The following CACNA2D3 variants were observed in gnomAD, a reference collection of about 807,000 sequenced individuals.
The protein encoded by CACNA2D3 is voltage-dependent calcium channel subunit alpha-2/delta-3.
A neutral mutation model predicts 160.6 loss-of-function variants in CACNA2D3; 60 were observed. That is an observed-to-expected ratio of 0.37 (90% CI 0.30 to 0.46). The LOEUF is 0.46. CACNA2D3 is among the 20% of genes least tolerant of loss of function. CACNA2D3 has a pLI of 1.00. For synonymous variants in CACNA2D3, 558 were observed against 492.9 expected, an observed-to-expected ratio of 1.13 and a Z score of -1.75; for missense variants, 1,205 against 1,365.0, an observed-to-expected ratio of 0.88 and a Z score of 1.85.
intron 5 of CACNA2D3, among the ~76,000 whole-genome samples, chr3:54,506,108 G>A (rs536723985): frequency 2.6e-5 from 4 of 152,288 alleles, no homozygotes; most frequent in African/African-American, 9.6e-5. Context: ...GCAGAGGAGA[G>A]GCAGGGACTT....
rs561506859 is a variant in CACNA2D3 at position 54,808,890 on chromosome 3, C to T, written c.1381-7963C>T. ...TTGGTGATTACTGTAACCTCTCATA[C>T]GCTATCGGATTGGAGCCAGCCCTAA... On this transcript the variant is annotated intron_variant, in intron 13 of 37. Transcript: ENST00000474759. Among the ~76,000 whole-genome samples, 15 of 152,192 alleles carry T rather than the reference C, an allele frequency of 9.9e-5. No homozygotes were observed. In the South Asian group the frequency reaches 1.2e-3, roughly 13 times the overall value.
intron 5 of CACNA2D3, among the ~76,000 whole-genome samples, chr3:54,526,925 A>T (rs577017697): frequency 6.6e-6 from 1 of 152,208 alleles, no homozygotes; most frequent in Non-Finnish European, 1.5e-5. Flanking sequence ...TGCTGATCTC[A>T]GGTGATCTGC....
At chr3:54,738,272 G>C (rs1467072935) in intron 11 of CACNA2D3, among the ~76,000 whole-genome samples, 2 of 152,190 alleles carry the variant, frequency 1.3e-5, no homozygotes, top group Non-Finnish European at 2.9e-5. Flanking sequence ...TCTCTCTTCA[G>C]TGTAATAGGG....
chr3:54,583,943 C>T (rs1702719020), intron 9 of CACNA2D3, among the ~76,000 whole-genome samples: 1 of 151,716 alleles, frequency 6.6e-6, no homozygotes, highest in Non-Finnish European at 1.5e-5. Context: ...CTTGTTCCTT[C>T]TAGCCAAAGG....
intron 4 of CACNA2D3, among the ~76,000 whole-genome samples, chr3:54,487,071 A>T (rs1057254809): frequency 6.6e-6 from 1 of 152,150 alleles, no homozygotes; most frequent in Admixed American, 6.5e-5. Context: ...GGATGAACTT[A>T]TTATTCACAT....
intron 9 of CACNA2D3, among the ~76,000 whole-genome samples, chr3:54,607,313 GT>G (rs1314028164): frequency 6.6e-6 from 1 of 151,958 alleles, no homozygotes. Context: ...CATGCAGCTG[GT>G]TTTTTTGTTT....
intron 2 of CACNA2D3, among the ~76,000 whole-genome samples, chr3:54,152,760 A>G (rs1280037355): frequency 6.6e-6 from 1 of 152,238 alleles, no homozygotes; most frequent in Non-Finnish European, 1.5e-5. Context: ...ATAACTTATG[A>G]TTGATCTTTT....
chr3:54,723,314 C>G (rs1390941243), intron 11 of CACNA2D3, among the ~76,000 whole-genome samples: 3 of 33,624 alleles, frequency 8.9e-5, no homozygotes, highest in Non-Finnish European at 2.0e-4. Context: ...GCCAGTGGAT[C>G]TTAGTTTGTT....
intron 27 of CACNA2D3, among the ~76,000 whole-genome samples, chr3:54,951,782 G>A (rs549869850): frequency 5.3e-5 from 8 of 152,200 alleles, no homozygotes; most frequent in African/African-American, 7.2e-5. Context: ...AACACAGGGT[G>A]GGTTCCTGGC....
At chr3:54,875,579 T>C (rs1699640114) in intron 18 of CACNA2D3, 1 of 152,262 alleles carries the variant, frequency 6.6e-6, no homozygotes, top group South Asian at 2.1e-4. Flanking sequence ...GAAAGCTTCC[T>C]TAATGAACTG....
At chr3:54,462,243 T>A (rs1013383875) in intron 4 of CACNA2D3, among the ~76,000 whole-genome samples, 1 of 152,156 alleles carries the variant, frequency 6.6e-6, no homozygotes, top group Non-Finnish European at 1.5e-5. Flanking sequence ...CTGAAAAAAA[T>A]GTATATTCTG....
intron 14 of CACNA2D3, among the ~76,000 whole-genome samples, chr3:54,830,828 C>G (rs1342086184): frequency 6.6e-6 from 1 of 151,962 alleles, no homozygotes; most frequent in Non-Finnish European, 1.5e-5. Context: ...GGCTTTTTGT[C>G]GTCCAGGACC....
chr3:54,634,802 G>C (rs1699328182), intron 10 of CACNA2D3, among the ~76,000 whole-genome samples: 1 of 152,128 alleles, frequency 6.6e-6, no homozygotes, highest in African/African-American at 2.4e-5. Context: ...TTTTGTGGTG[G>C]AATGTCATCA....
At chr3:54,676,718 G>C (rs1014818559) in intron 11 of CACNA2D3, among the ~76,000 whole-genome samples, 5 of 152,146 alleles carry the variant, frequency 3.3e-5, no homozygotes, top group African/African-American at 1.2e-4. Context: ...GGGGAAGGTC[G>C]GAGGTGCACT....
intron 14 of CACNA2D3, among the ~76,000 whole-genome samples, chr3:54,820,488 G>C (rs1318245984): frequency 1.3e-5 from 2 of 152,084 alleles, no homozygotes; most frequent in Admixed American, 6.6e-5. Context: ...ATAATTCCTA[G>C]ACTCTATAAA....
chr3:54,609,032 T>TC (rs1698692191), intron 9 of CACNA2D3, among the ~76,000 whole-genome samples: 2 of 152,092 alleles, frequency 1.3e-5, no homozygotes, highest in East Asian at 1.9e-4. Context: ...CTGAATCATG[T>TC]CCCCCCAACA....
Position 55,025,147 on chromosome 3 carries a change from A to G in CACNA2D3, c.2987+6830A>G, listed in dbSNP as rs549591062. On this transcript the variant is annotated intron_variant, in intron 35 of 37. Coordinates refer to ENST00000474759, the MANE Select transcript of CACNA2D3 (RefSeq NM_018398.3). ...AAGATAGGACATTGCTAGAGCAAGC[A>G]GTATTTTTCCTTATTAGAAATCGTA... 4.6e-5 allele frequency among the ~76,000 whole-genome samples: 7 copies of G among 152,362 alleles called. No homozygotes were observed. In the East Asian group the frequency reaches 5.8e-4, roughly 13 times the overall value.
At chr3:54,883,799 ATCTC>A (rs9311543) in intron 21 of CACNA2D3, among the ~76,000 whole-genome samples, 119 of 107,476 alleles carry the variant, frequency 1.1e-3, no homozygotes, top group Admixed American at 1.6e-3. Flanking sequence ...TTACAATGGA[ATCTC>A]TCTCTCTCTC....
At chr3:54,897,227 A>T (rs977771219) in intron 26 of CACNA2D3, among the ~76,000 whole-genome samples, 2 of 152,180 alleles carry the variant, frequency 1.3e-5, no homozygotes, top group Admixed American at 1.3e-4. Flanking sequence ...AGTGAGTCAC[A>T]TCCCTGCAGA....
Sources: gnomAD v4.1 joint callset for allele counts (sites outside exome capture counted in the v4.1 genomes callset) on GRCh38, gnomAD v4.1.1 for gene constraint, MANE v1.5 for transcripts, NCBI Gene and HGNC (gene_info 2026-07-23, HGNC 2026-07-21) for gene names.